CNTNAP2: variants seen among roughly 807,000 people sequenced by gnomAD.
The protein encoded by CNTNAP2 is contactin-associated protein-like 2.
CNTNAP2 carries 98 observed loss-of-function variants against 155.2 expected under a neutral mutation model. That is an observed-to-expected ratio of 0.63 (90% CI 0.54 to 0.75). The LOEUF (loss-of-function observed/expected upper bound fraction) is 0.75. Ranked by LOEUF, CNTNAP2 falls within the 30% of genes least tolerant of loss-of-function variation. CNTNAP2 has a pLI of 0.00. For synonymous variants in CNTNAP2, 651 were observed against 631.2 expected (o/e 1.03, Z -0.47); for missense variants, 1,727 against 1,688.1 (o/e 1.02, Z -0.40).
intron 13 of CNTNAP2, among the ~76,000 whole-genome samples, chr7:147,827,043 A>T (rs1346339350): frequency 6.6e-6 from 1 of 151,174 alleles, no homozygotes; most frequent in Non-Finnish European, 1.5e-5. Flanking sequence ...CCATTCTCCA[A>T]CCTCAGCCTC....
intron 13 of CNTNAP2, among the ~76,000 whole-genome samples, chr7:147,644,877 A>G (rs1286846988): frequency 6.6e-6 from 1 of 152,166 alleles, no homozygotes; most frequent in Non-Finnish European, 1.5e-5. Context: ...TTGCTGAAGT[A>G]TTGATTCCTT....
intron 18 of CNTNAP2, among the ~76,000 whole-genome samples, chr7:148,211,903 GAA>G (rs906372338): frequency 6.6e-5 from 10 of 152,104 alleles, no homozygotes; most frequent in African/African-American, 2.4e-4. Flanking sequence ...TAAATTTTTG[GAA>G]AAGAGCCCAT....
chr7:146,551,290 C>T (rs770584125), intron 1 of CNTNAP2, among the ~76,000 whole-genome samples: 3 of 152,022 alleles, frequency 2.0e-5, no homozygotes, highest in Non-Finnish European at 4.4e-5. Flanking sequence ...CCTTCCCCCT[C>T]CCTCCACCCC....
chr7:148,321,978 A>G (rs368072082), intron 21 of CNTNAP2, among the ~76,000 whole-genome samples: 30 of 150,262 alleles, frequency 2.0e-4, no homozygotes, highest in East Asian at 5.9e-4. Flanking sequence ...ATCTCAGCTC[A>G]CTGCAACCTC....
chr7:147,043,377 C>T (rs1799295936), intron 3 of CNTNAP2, among the ~76,000 whole-genome samples: 1 of 152,088 alleles, frequency 6.6e-6, no homozygotes, highest in Non-Finnish European at 1.5e-5. Flanking sequence ...ACTGAATTAA[C>T]ATGTTTCTGA....
chr7:146,640,175 A>G (rs1193829485), intron 1 of CNTNAP2, among the ~76,000 whole-genome samples: 4 of 152,252 alleles, frequency 2.6e-5, no homozygotes, highest in South Asian at 2.1e-4. Context: ...TGAAAAATGT[A>G]TGCCACCTTT....
intron 3 of CNTNAP2, among the ~76,000 whole-genome samples, chr7:146,982,805 C>G (rs114094486): frequency 1.6e-4 from 24 of 152,268 alleles, no homozygotes; most frequent in Admixed American, 1.3e-3. Context: ...GAAGAAAAGA[C>G]AGCTCTACTT....
intron 1 of CNTNAP2, among the ~76,000 whole-genome samples, chr7:146,502,029 A>C (rs1797307785): frequency 6.6e-6 from 1 of 151,656 alleles, no homozygotes; most frequent in Non-Finnish European, 1.5e-5. Context: ...GCCTCTGATG[A>C]CCACCAATCT....
intron 15 of CNTNAP2, among the ~76,000 whole-genome samples, chr7:148,024,282 A>C (rs1323177223): frequency 6.6e-6 from 1 of 152,056 alleles, no homozygotes; most frequent in Non-Finnish European, 1.5e-5. Flanking sequence ...TGGATAAATC[A>C]GTTAATTTGG....
At chr7:148,070,576 G>A (rs1327860679) in intron 15 of CNTNAP2, among the ~76,000 whole-genome samples, 2 of 152,146 alleles carry the variant, frequency 1.3e-5, no homozygotes, top group African/African-American at 4.8e-5. Flanking sequence ...AATTAGCCAG[G>A]CATGGTGGTG....
intron 13 of CNTNAP2, among the ~76,000 whole-genome samples, chr7:147,813,461 T>G (rs187798188): frequency 6.6e-6 from 1 of 152,338 alleles, no homozygotes; most frequent in African/African-American, 2.4e-5. Context: ...AGCTAGATTT[T>G]TAAATGTAAT....
intron 3 of CNTNAP2, among the ~76,000 whole-genome samples, chr7:146,942,241 A>C (rs1224736640): frequency 6.6e-6 from 1 of 152,150 alleles, no homozygotes; most frequent in African/African-American, 2.4e-5. Flanking sequence ...AATTCTCTAC[A>C]TAACTAAACT....
chr7:147,486,889 C>CTGTGTGTGTGTGTG (rs10544219), intron 11 of CNTNAP2, among the ~76,000 whole-genome samples: 5,900 of 146,862 alleles, frequency 0.04, 248 homozygotes, highest in African/African-American at 0.094. Context: ...ACGTATGTGC[C>CTGTGTGTGTGTGTG]TGTGTGTGTG....
intron 12 of CNTNAP2, among the ~76,000 whole-genome samples, chr7:147,571,345 C>G (rs1800287306): frequency 7.2e-6 from 1 of 139,770 alleles, no homozygotes; most frequent in South Asian, 2.3e-4. Context: ...TTGTTCAATT[C>G]CCATCTGATG....
At chr7:148,071,437 C>T (rs2116530318) in intron 15 of CNTNAP2, among the ~76,000 whole-genome samples, 1 of 152,244 alleles carries the variant, frequency 6.6e-6, no homozygotes, top group African/African-American at 2.4e-5. Flanking sequence ...CAAGATTGTG[C>T]CACTGCACTC....
At chr7:146,408,861 A>G (rs961482718) in intron 1 of CNTNAP2, among the ~76,000 whole-genome samples, 4 of 152,096 alleles carry the variant, frequency 2.6e-5, no homozygotes, top group Non-Finnish European at 5.9e-5. Flanking sequence ...TAAAAAAAAA[A>G]GAATCAAGAA....
intron 8 of CNTNAP2, among the ~76,000 whole-genome samples, chr7:147,277,048 C>T (rs150956336): frequency 1.2e-4 from 18 of 152,064 alleles, no homozygotes; most frequent in Non-Finnish European, 2.4e-4. Flanking sequence ...CCAAGTGCTG[C>T]GTTACAATTC....
intron 1 of CNTNAP2, among the ~76,000 whole-genome samples, chr7:146,554,176 C>T (rs922446101): frequency 2.6e-5 from 4 of 152,070 alleles, no homozygotes; most frequent in Admixed American, 6.6e-5. Flanking sequence ...CATTTGAGGC[C>T]GCCTTCTGAC....
intron 13 of CNTNAP2, among the ~76,000 whole-genome samples, chr7:147,868,786 G>A (rs922111050): frequency 6.6e-6 from 1 of 152,218 alleles, no homozygotes; most frequent in Admixed American, 6.5e-5. Context: ...GCCAGGCATG[G>A]GAAAGGTTCT....
Sources: gnomAD v4.1 joint callset for allele counts (sites outside exome capture counted in the v4.1 genomes callset) on GRCh38, gnomAD v4.1.1 for gene constraint, MANE v1.5 for transcripts, NCBI Gene and HGNC (gene_info 2026-07-23, HGNC 2026-07-21) for gene names.